Variants in LCP2 observed in about 807,000 individuals in gnomAD.
The protein encoded by LCP2 is lymphocyte cytosolic protein 2.
LCP2 carries 29 observed loss-of-function variants against 74.5 expected under a neutral mutation model. That is an observed-to-expected ratio of 0.39 (90% confidence interval 0.29 to 0.53). The LOEUF (loss-of-function observed/expected upper bound fraction) is 0.53. LCP2 is among the 20% of genes least tolerant of loss of function. The pLI is 0.72. For synonymous variants in LCP2, 228 were observed against 229.5 expected (o/e 0.99, Z 0.06); for missense variants, 604 against 634.6 (o/e 0.95, Z 0.52).
chr5:170,261,989 T>C (rs1332565787), intron 13 of LCP2, among the ~76,000 whole-genome samples: 1 of 152,220 alleles, frequency 6.6e-6, no homozygotes, highest in East Asian at 1.9e-4. Flanking sequence ...TGGCACACTT[T>C]AGCCCTGGTC....
At chr5:170,262,821 A>T in intron 12 of LCP2, 21 bp downstream of exon 12, 1 of 1,614,030 alleles carries the variant, frequency 6.2e-7, no homozygotes, top group Non-Finnish European at 8.5e-7. Context: ...ATGTACCCTC[A>T]TGTAGATGCA....
chr5:170,260,226 T>A (rs1761627415), intron 14 of LCP2, among the ~76,000 whole-genome samples: 2 of 152,222 alleles, frequency 1.3e-5, no homozygotes, highest in African/African-American at 4.8e-5. Flanking sequence ...CCACAGAGCA[T>A]CCCGTGATTG....
chr5:170,273,249 C>G (rs77665563), intron 6 of LCP2, among the ~76,000 whole-genome samples: 1,898 of 152,300 alleles, frequency 0.012, 41 homozygotes, highest in African/African-American at 0.043. Flanking sequence ...AGACTAGCCT[C>G]AGGCACAGCA....
intron 6 of LCP2, 79 bp downstream of exon 6, chr5:170,274,222 G>T: frequency 6.9e-7 from 1 of 1,454,540 alleles, no homozygotes; most frequent in Non-Finnish European, 9.5e-7. Flanking sequence ...CGCTTCACTT[G>T]GCTCCATCCT....
At chr5:170,253,297 T>A in intron 17 of LCP2, 84 bp from the exon 18 acceptor site, 1 of 897,048 alleles carries the variant, frequency 1.1e-6, no homozygotes, top group African/African-American at 1.7e-5. Flanking sequence ...TTCCCCCCAC[T>A]CCCCCAAAAA....
chr5:170,270,851 G>A lies in LCP2; in HGVS notation c.391C>T (p.Pro131Ser). 1.2e-6 allele frequency: 2 copies of A among 1,612,250 alleles called. No individual in the cohort carries two copies. Among genetic ancestry groups the A allele is most frequent in the Non-Finnish European group, 1.7e-6 (2 of 1,179,124 alleles). The change falls in exon 7 of 21, where the codon CCC becomes TCC. Residue 131 changes from proline to serine, a missense_variant. Coordinates refer to ENST00000046794, the MANE Select transcript of LCP2 (RefSeq NM_005565.5). The part of the protein sequence containing the change: ...DGEDDGDYES[P>S]NEEEEAPVED... ...ACGGGTGCCTCTTCCTCCTCATTGGGGGACTCATAGTCTCCATCATCCTCC... is the reference window on the plus strand; with the variant it reads ...ACGGGTGCCTCTTCCTCCTCATTGGAGGACTCATAGTCTCCATCATCCTCC...
At position 170,246,463 on chromosome 5, in the gene LCP2, C is replaced by G. The variant is rs1331772983; in HGVS notation, c.*2234G>C. 3 of 167,274 alleles carry G rather than the reference C, an allele frequency of 1.8e-5. No homozygotes were observed. The East Asian group carries it at 4.9e-4, about 27-fold the overall frequency. 10.4% of individuals were successfully genotyped at this position (167,274 alleles called of 1,614,324 possible). The stretch of plus-strand genomic sequence containing the variant: ...CCAAGCACAACTCAACCAGCTGAAG[C>G]ATTTATTGAGTCATGTGACTTGGAA... On this transcript the variant is annotated 3_prime_UTR_variant, in exon 21 of 21. Transcript: ENST00000046794.
Position 170,266,737 on chromosome 5 carries a change from G to C in LCP2, c.772+71C>G, listed in dbSNP as rs1761763964. On this transcript the variant is annotated intron_variant, in intron 10 of 20. Coordinates refer to ENST00000046794, the MANE Select transcript of LCP2 (RefSeq NM_005565.5). ...CATAGTTAAATGAGATGGTACATGT[G>C]AAACGTATGCAGGAAGCACTTTATA... The C allele has an allele frequency of 6.2e-6, 8 of 1,283,214 alleles. No homozygotes were observed. In the Admixed American group the frequency reaches 8.4e-5, roughly 13 times the overall value. The allele number at this position is 1,283,214 out of a possible 1,614,324, so 79.5% of individuals were successfully genotyped here. A position where few individuals can be genotyped will look rare whatever the true frequency, so the allele number is the denominator to read the frequency against.
At chr5:170,248,913 C>A in intron 20 of LCP2, 94 bp from the exon 21 acceptor site, 1 of 1,236,960 alleles carries the variant, frequency 8.1e-7, no homozygotes, top group Non-Finnish European at 1.2e-6. Context: ...TATGCTGCCT[C>A]TTCAAGTGAT....
In LCP2 at chr5:170,297,739, C is replaced by G; in HGVS notation, c.-128G>C. ...CTCCCAGCTACCCTGTGGAACACCC[C>G]TGTTGGAGCCGATGTCTTTTCTGGC... On this transcript the variant is annotated 5_prime_UTR_variant, in exon 1 of 21. Coordinates refer to ENST00000046794, the MANE Select transcript of LCP2 (RefSeq NM_005565.5). The G allele has an allele frequency of 4.6e-6, 3 of 655,486 alleles. No individual in the cohort carries two copies. In the East Asian group the frequency reaches 9.1e-5, roughly 20 times the overall value. 40.6% of individuals were successfully genotyped at this position (655,486 alleles called of 1,614,324 possible). A position where few individuals can be genotyped will look rare whatever the true frequency, so the allele number is the denominator to read the frequency against.
intron 10 of LCP2, among the ~76,000 whole-genome samples, chr5:170,264,664 G>A (rs1331073985): frequency 6.6e-6 from 1 of 152,070 alleles, no homozygotes; most frequent in East Asian, 1.9e-4. Context: ...CCAGGCATGG[G>A]GACATGCACC....
At chr5:170,255,447 G>T (rs2113155765) in intron 17 of LCP2, among the ~76,000 whole-genome samples, 1 of 152,248 alleles carries the variant, frequency 6.6e-6, no homozygotes, top group East Asian at 1.9e-4. Flanking sequence ...AAAAAAAGTG[G>T]CTTTTCTGTT....
In LCP2 at chr5:170,258,124, C is replaced by T. The variant is rs368601383; in HGVS notation, c.1013G>A (p.Ser338Asn). The T allele has an allele frequency of 1.1e-5, 17 of 1,613,874 alleles. No homozygotes were observed. Among genetic ancestry groups the T allele is most frequent in the South Asian group, 7.7e-5 (7 of 91,080 alleles). Reference protein sequence around the residue: ...PLPQPALLPMSSNTFPSRSTK... With the variant: ...PLPQPALLPMNSNTFPSRSTK... Reference sequence around the variant, plus strand: ...AGATCTTGAAGGGAAAGTGTTGGAGCTCATAGGAAGTAGTGCTGGCTGGGG... The same window carrying T: ...AGATCTTGAAGGGAAAGTGTTGGAGTTCATAGGAAGTAGTGCTGGCTGGGG... Residue 338 changes from serine (S) to asparagine (N), a missense_variant, in exon 16 of 21, where the codon AGC becomes AAC. Ser to Asn is a conservative substitution (Grantham distance 46). Transcript: ENST00000046794.
rs1761304602 is a variant in LCP2 at position 170,246,652 on chromosome 5, G to T, written c.*2045C>A. The stretch of plus-strand genomic sequence containing the variant: ...CAGGCAGCTCCAAGTGTACAGCATT[G>T]CCTTTGGGGACCCCAGATAAAAGAG... On this transcript the variant is annotated 3_prime_UTR_variant, in exon 21 of 21. Coordinates refer to ENST00000046794, the MANE Select transcript of LCP2 (RefSeq NM_005565.5). The T allele has an allele frequency of 6.5e-6, 1 of 152,746 alleles. No homozygotes were observed. The highest frequency in any genetic ancestry group is 1.5e-5 in the Non-Finnish European group (1 of 68,476). The allele number at this position is 152,746 out of a possible 1,614,324, so 9.5% of individuals were successfully genotyped here.
intron 13 of LCP2, among the ~76,000 whole-genome samples, chr5:170,262,229 G>A (rs886315409): frequency 6.6e-6 from 1 of 152,154 alleles, no homozygotes; most frequent in Non-Finnish European, 1.5e-5. Flanking sequence ...CAGTAAGGAA[G>A]ACACTTGCGG....
At chr5:170,290,952 A>G (rs866786178) in intron 2 of LCP2, among the ~76,000 whole-genome samples, 2 of 116,956 alleles carry the variant, frequency 1.7e-5, no homozygotes, top group East Asian at 5.0e-4. Context: ...AGAAAGAAAG[A>G]AAAGAAAGAA....
At chr5:170,249,323 C>T (rs1378389509) in intron 20 of LCP2, among the ~76,000 whole-genome samples, 1 of 147,400 alleles carries the variant, frequency 6.8e-6, no homozygotes, top group African/African-American at 2.5e-5. Context: ...AAGGAAACTC[C>T]ATCTCAAAAA....
At position 170,296,597 on chromosome 5, in the gene LCP2, G is replaced by A. The variant is rs540387903; in HGVS notation, c.78+937C>T. Among the ~76,000 whole-genome samples, 5 of 152,266 alleles carry A rather than the reference G, an allele frequency of 3.3e-5. No individual in the cohort carries two copies. The South Asian group carries it at 1.0e-3, about 32-fold the overall frequency. ...TCCGATGCCAGCCTGCAGGGATGAG[G>A]GTGTTAGAAGCTTAACCGTCTCGCA... is the stretch of plus-strand genomic sequence containing the variant. On this transcript the variant is annotated intron_variant, in intron 1 of 20. Transcript: ENST00000046794.
At chr5:170,290,953 AAAGAAAGAAAGAAAGAAAGAAAG>A in intron 2 of LCP2, among the ~76,000 whole-genome samples, 1 of 18,472 alleles carries the variant, frequency 5.4e-5, no homozygotes, top group Non-Finnish European at 1.5e-4. Flanking sequence ...GAAAGAAAGA[AAAGAAAGAAAGAAAGAAAGAAAG>A]AAAGAAAGAA....
Sources: gnomAD v4.1 joint callset for allele counts (sites outside exome capture counted in the v4.1 genomes callset) on GRCh38, gnomAD v4.1.1 for gene constraint, MANE v1.5 for transcripts, NCBI Gene and HGNC (gene_info 2026-07-23, HGNC 2026-07-21) for gene names.